The following SMARCC1 variants were observed in gnomAD, a reference collection of about 807,000 sequenced individuals.
SMARCC1 encodes SWI/SNF related BAF chromatin remodeling complex subunit C1.
Under a neutral mutation model 147.4 loss-of-function variants are expected in SMARCC1, and 43 were observed. The ratio of observed to expected loss-of-function variants is 0.29; its 90% CI spans 0.23 to 0.38. The LOEUF (loss-of-function observed/expected upper bound fraction) is 0.38, where lower values mean the gene tolerates loss of function less well. SMARCC1 is among the 10% of genes least tolerant of loss of function. The pLI, the probability that SMARCC1 is intolerant of heterozygous loss-of-function variation, is 1.00. For missense variants in SMARCC1, 1,119 were observed against 1,381.1 expected (o/e 0.81, Z 3.01); for synonymous variants, 495 against 484.4 (o/e 1.02, Z -0.29).
At chr3:47,682,032 T>C (rs1015998479) in intron 14 of SMARCC1, among the ~76,000 whole-genome samples, 1 of 152,128 alleles carries the variant, frequency 6.6e-6, no homozygotes, top group Non-Finnish European at 1.5e-5. Flanking sequence ...TTCCATTTTC[T>C]AATTTTATTT....
chr3:47,637,054 T>C (rs1018798051), intron 22 of SMARCC1, among the ~76,000 whole-genome samples: 4 of 152,058 alleles, frequency 2.6e-5, no homozygotes, highest in Admixed American at 6.5e-5. Flanking sequence ...TGAGGCTATA[T>C]TGTTTGCTTA....
intron 9 of SMARCC1, among the ~76,000 whole-genome samples, chr3:47,706,892 T>A (rs1332425458): frequency 6.6e-6 from 1 of 152,100 alleles, no homozygotes; most frequent in Non-Finnish European, 1.5e-5. Flanking sequence ...ACTGACAAAA[T>A]ACAAAGACAG....
chr3:47,732,876 G>A (rs766749670), intron 5 of SMARCC1, among the ~76,000 whole-genome samples: 3 of 151,932 alleles, frequency 2.0e-5, no homozygotes, highest in Admixed American at 6.6e-5. Context: ...TTGGGAGGCC[G>A]AGGGGGGTGG....
intron 24 of SMARCC1, among the ~76,000 whole-genome samples, chr3:47,625,892 T>C (rs902329678): frequency 2.0e-5 from 3 of 151,896 alleles, no homozygotes; most frequent in African/African-American, 7.3e-5. Context: ...CGCAGTTGCC[T>C]ACCATCTGTA....
rs577890144 is a variant in SMARCC1, at chr3:47,662,708, T to C, written c.1900-116A>G. The C allele has an allele frequency of 8.8e-6, 7 of 795,356 alleles. No homozygotes were observed. The African/African-American group carries it at 1.1e-4, about 12-fold the overall frequency. 49.3% of individuals were successfully genotyped at this position (795,356 alleles called of 1,614,324 possible). ...ATTAATGCAAATATTTATGCATAAA[T>C]AGAAAGATTTGATGGTTTCCTTAGA... is the stretch of plus-strand genomic sequence containing the variant. On this transcript the variant is annotated intron_variant, in intron 19 of 27. Transcript: ENST00000254480.
At chr3:47,622,801 G>C (rs1218140731) in intron 24 of SMARCC1, among the ~76,000 whole-genome samples, 1 of 152,150 alleles carries the variant, frequency 6.6e-6, no homozygotes, top group Non-Finnish European at 1.5e-5. Flanking sequence ...GACCTCATGT[G>C]TGGAAACAAA....
chr3:47,777,365 G>A (rs2034988159), intron 1 of SMARCC1, among the ~76,000 whole-genome samples: 1 of 151,802 alleles, frequency 6.6e-6, no homozygotes, highest in Non-Finnish European at 1.5e-5. Context: ...TTACAGGCGT[G>A]AGACACCATG....
chr3:47,596,480 T>C (rs1017908325), intron 26 of SMARCC1, among the ~76,000 whole-genome samples: 61 of 151,364 alleles, frequency 4.0e-4, no homozygotes, highest in African/African-American at 1.5e-3. Context: ...AGGCAGGGAA[T>C]TGCTTGAACG....
intron 19 of SMARCC1, among the ~76,000 whole-genome samples, chr3:47,664,715 C>T (rs983673339): frequency 2.6e-5 from 4 of 152,076 alleles, no homozygotes; most frequent in Admixed American, 2.6e-4. Flanking sequence ...AATTTTTGCC[C>T]CCTTGAGGAC....
chr3:47,761,858 G>C (rs917856044), intron 2 of SMARCC1, among the ~76,000 whole-genome samples: 4 of 152,078 alleles, frequency 2.6e-5, no homozygotes, highest in African/African-American at 9.7e-5. Context: ...GCCCAGGCTG[G>C]AGTGCAGTGG....
rs372031182 is a variant in SMARCC1 at position 47,638,397 on chromosome 3, C to CCATA, written c.2376+324_2376+327dup. 3.9e-5 allele frequency among the ~76,000 whole-genome samples: 6 copies of CCATA among 152,212 alleles called. 1 individual carries two copies. Among genetic ancestry groups the CCATA allele is most frequent in the African/African-American group, 1.4e-4 (6 of 41,546 alleles). On this transcript the variant is annotated intron_variant, in intron 22 of 27. Transcript: ENST00000254480. ...GTGAGCCACCGCGCCCAGCCAAGAA[C>CCATA]CATAACTTTTGTATTCATAGTCCCA...
At chr3:47,657,473 G>T (rs189412759) in intron 21 of SMARCC1, among the ~76,000 whole-genome samples, 1 of 152,280 alleles carries the variant, frequency 6.6e-6, no homozygotes, top group Admixed American at 6.5e-5. Flanking sequence ...AAAATAGCCA[G>T]TGGGTCAAAG....
rs567787201 is a variant in SMARCC1, at chr3:47,781,557, G to A, written c.195+46C>T. On this transcript the variant is annotated intron_variant, in intron 1 of 27. Coordinates refer to ENST00000254480, the MANE Select transcript of SMARCC1 (RefSeq NM_003074.4). Reference sequence around the variant, plus strand: ...CCCGCGAGGCCAGCTGCCGCCTCCGGCCCCGGTCGCGTGGTCTCCCGGCCC... The same window carrying A: ...CCCGCGAGGCCAGCTGCCGCCTCCGACCCCGGTCGCGTGGTCTCCCGGCCC... The A allele has an allele frequency of 3.6e-6, 5 of 1,396,420 alleles. No individual in the cohort carries two copies. The African/African-American group carries it at 4.5e-5, about 13-fold the overall frequency. The allele number at this position is 1,396,420 out of a possible 1,614,324, so 86.5% of individuals were successfully genotyped here. A position where few individuals can be genotyped will look rare whatever the true frequency, so the allele number is the denominator to read the frequency against.
chr3:47,685,119 T>C (rs568950281), intron 14 of SMARCC1, among the ~76,000 whole-genome samples: 1 of 152,300 alleles, frequency 6.6e-6, no homozygotes, highest in African/African-American at 2.4e-5. Context: ...ACTACTTCTA[T>C]GCATTGGGGC....
chr3:47,704,916 C>CA (rs1468678344), intron 10 of SMARCC1, among the ~76,000 whole-genome samples: 7 of 104,364 alleles, frequency 6.7e-5, no homozygotes, highest in Admixed American at 4.9e-4. Flanking sequence ...GACCCTGTCT[C>CA]AAAAAAAAAG....
chr3:47,721,121 G>A (rs1336643998), intron 6 of SMARCC1, among the ~76,000 whole-genome samples: 1 of 152,072 alleles, frequency 6.6e-6, no homozygotes, highest in African/African-American at 2.4e-5. Flanking sequence ...GTGAGGCTTA[G>A]CAATTATTAC....
chr3:47,660,546 T>C (rs911637603), intron 21 of SMARCC1, among the ~76,000 whole-genome samples: 6 of 151,252 alleles, frequency 4.0e-5, no homozygotes, highest in African/African-American at 1.5e-4. Flanking sequence ...TAATCAGCAC[T>C]GACAAGAATG....
chr3:47,694,967 G>A (rs1247972805), intron 11 of SMARCC1, among the ~76,000 whole-genome samples: 1 of 152,100 alleles, frequency 6.6e-6, no homozygotes, highest in East Asian at 1.9e-4. Context: ...AAAAAAACCT[G>A]TTTAAAGTGC....
chr3:47,773,407 T>C (rs2034938986), intron 1 of SMARCC1, among the ~76,000 whole-genome samples: 1 of 149,914 alleles, frequency 6.7e-6, no homozygotes, highest in Non-Finnish European at 1.5e-5. Context: ...ATCTCCTGTG[T>C]TTTTTACCAA....
Sources: allele counts gnomAD v4.1 joint callset (sites outside exome capture counted in the v4.1 genomes callset), GRCh38; gene constraint gnomAD v4.1.1; transcripts MANE v1.5; gene names NCBI Gene and HGNC (gene_info 2026-07-23, HGNC 2026-07-21).